The following HPSE2 variants were observed in gnomAD, a reference collection of about 807,000 sequenced individuals.
HPSE2 encodes inactive heparanase-2.
A neutral mutation model predicts 60.5 loss-of-function variants in HPSE2; 38 were observed. The ratio of observed to expected loss-of-function variants is 0.63; its 90% confidence interval spans 0.48 to 0.82. The LOEUF is 0.82. Among genes scored for constraint, HPSE2 ranks in the 40% least tolerant of loss-of-function variants. The probability of loss-of-function intolerance (pLI) is 0.00; values close to 1 mark genes in which losing one functional copy is unlikely to be tolerated. For missense variants in HPSE2, 713 were observed against 740.4 expected (o/e 0.96, Z 0.43); for synonymous variants, 295 against 293.2 (o/e 1.01, Z -0.06).
At chr10:99,113,262 G>A (rs1392524328) in intron 3 of HPSE2, among the ~76,000 whole-genome samples, 1 of 152,138 alleles carries the variant, frequency 6.6e-6, no homozygotes, top group Non-Finnish European at 1.5e-5. Flanking sequence ...GTGAGATCAA[G>A]TAGTTTGCAC....
chr10:99,234,860 G>C (rs976294183), intron 1 of HPSE2, among the ~76,000 whole-genome samples: 1 of 151,994 alleles, frequency 6.6e-6, no homozygotes, highest in Admixed American at 6.6e-5. Flanking sequence ...GGAACTGGCG[G>C]GGGGAGGGGG....
At chr10:98,701,496 G>C (rs1382964147) in intron 5 of HPSE2, among the ~76,000 whole-genome samples, 1 of 112,122 alleles carries the variant, frequency 8.9e-6, no homozygotes, top group African/African-American at 3.4e-5. Context: ...GTTGTGGGGT[G>C]GGGGGAGGGG....
intron 3 of HPSE2, among the ~76,000 whole-genome samples, chr10:98,943,415 A>G (rs761224016): frequency 1.3e-5 from 2 of 152,042 alleles, no homozygotes. Flanking sequence ...ATAAATTGCA[A>G]TGGTTTCTGC....
intron 3 of HPSE2, among the ~76,000 whole-genome samples, chr10:98,817,410 G>A (rs909702438): frequency 2.6e-5 from 4 of 151,902 alleles, no homozygotes; most frequent in Admixed American, 6.6e-5. Context: ...CCAAAACTAG[G>A]CTTCTCCAAA....
At chr10:99,010,369 T>C (rs1373130575) in intron 3 of HPSE2, among the ~76,000 whole-genome samples, 3 of 152,226 alleles carry the variant, frequency 2.0e-5, no homozygotes, top group African/African-American at 7.2e-5. Flanking sequence ...ATAATGTTAA[T>C]GATATACTTT....
At chr10:99,007,855 A>G (rs1439151814) in intron 3 of HPSE2, among the ~76,000 whole-genome samples, 2 of 152,234 alleles carry the variant, frequency 1.3e-5, no homozygotes, top group African/African-American at 2.4e-5. Flanking sequence ...AGGTCCAACC[A>G]GTCTGTAAGC....
chr10:98,672,457 G>T (rs976481557), intron 6 of HPSE2, among the ~76,000 whole-genome samples: 1 of 152,170 alleles, frequency 6.6e-6, no homozygotes, highest in Non-Finnish European at 1.5e-5. Context: ...CCCATGGGTT[G>T]TTCTTCTGAA....
Position 98,853,181 on chromosome 10 carries a change from A to G in HPSE2, c.611-109125T>C, listed in dbSNP as rs185503979. Among the ~76,000 whole-genome samples, 9 of 152,342 alleles carry G rather than the reference A, an allele frequency of 5.9e-5. No homozygotes were observed. In the East Asian group the frequency reaches 1.4e-3, roughly 23 times the overall value. On this transcript the variant is annotated intron_variant, in intron 3 of 11. Coordinates refer to ENST00000370552, the MANE Select transcript of HPSE2 (RefSeq NM_021828.5). ...AATTTATGGAAGGCTGAGCCATTCT[A>G]TTTTCACAGCTAAATGAGGAGGAAT...
chr10:99,051,011 A>T (rs1011459582), intron 3 of HPSE2, among the ~76,000 whole-genome samples: 2 of 152,168 alleles, frequency 1.3e-5, no homozygotes, highest in African/African-American at 4.8e-5. Flanking sequence ...TACCCCATAA[A>T]TATATACAGT....
chr10:98,792,640 C>A (rs1446164448), intron 3 of HPSE2, among the ~76,000 whole-genome samples: 15 of 139,718 alleles, frequency 1.1e-4, no homozygotes, highest in Non-Finnish European at 9.4e-5. Flanking sequence ...CAAATTCCTA[C>A]AAAAAAAAAA....
At chr10:98,593,261 T>C (rs1171203327) in intron 9 of HPSE2, among the ~76,000 whole-genome samples, 2 of 152,158 alleles carry the variant, frequency 1.3e-5, no homozygotes, top group Non-Finnish European at 1.5e-5. Flanking sequence ...GAAATATGGC[T>C]GCACTTAGGA....
intron 6 of HPSE2, among the ~76,000 whole-genome samples, chr10:98,661,399 G>C (rs1947221259): frequency 1.3e-5 from 2 of 152,046 alleles, no homozygotes; most frequent in Non-Finnish European, 2.9e-5. Flanking sequence ...AAATCAAAAG[G>C]AACAAAAAGC....
intron 2 of HPSE2, among the ~76,000 whole-genome samples, chr10:99,164,913 G>A (rs1015210701): frequency 2.6e-5 from 4 of 151,694 alleles, no homozygotes; most frequent in African/African-American, 7.3e-5. Context: ...GTGAAACCCC[G>A]TCTCTACTAA....
Position 98,459,718 on chromosome 10 carries a change from C to CT in HPSE2, c.1634dup (p.Pro546AlafsTer70), listed in dbSNP as rs1288285020. ...TCCCGTCGTCCACCATCACTAAGGGCTGGCCATTCAGTTGCACTGACCTAC... is the reference window on the plus strand; with the variant it reads ...TCCCGTCGTCCACCATCACTAAGGGCTTGGCCATTCAGTTGCACTGACCTAC... On this transcript the variant is annotated frameshift_variant, in exon 12 of 12. Transcript: ENST00000370552. LOFTEE classifies it high-confidence loss of function. 1 of 1,613,736 alleles carries CT rather than the reference C, an allele frequency of 6.2e-7. No individual in the cohort carries two copies. Among genetic ancestry groups the CT allele is most frequent in the Admixed American group, 1.7e-5 (1 of 59,962 alleles).
the HPSE2 span, among the ~76,000 whole-genome samples, chr10:99,313,803 C>T: frequency 2.8e-4 from 42 of 151,398 alleles, no homozygotes; most frequent in African/African-American, 2.4e-5. Context: ...GGTTTCACCA[C>T]GTTGGCCAGG....
At chr10:99,279,126 A>T in the HPSE2 span, among the ~76,000 whole-genome samples, 1 of 152,174 alleles carries the variant, frequency 6.6e-6, no homozygotes, top group Non-Finnish European at 1.5e-5. Flanking sequence ...ATATCATTTC[A>T]GAATTTCAAC....
rs79790079 is a variant in HPSE2, at chr10:98,795,513, C to A, written c.611-51457G>T. Among the ~76,000 whole-genome samples, 1,185 of 152,342 alleles carry A rather than the reference C, an allele frequency of 7.8e-3. 13 individuals are homozygous for A. Among genetic ancestry groups the A allele is most frequent in the Non-Finnish European group, 0.01 (694 of 68,032 alleles). ...GCCAGAGGGAAATCACCTATCCTAG[C>A]AGTCAGAGCTTGAGTTTCTTAGAAA... On this transcript the variant is annotated intron_variant, in intron 3 of 11. Transcript: ENST00000370552.
upstream of HPSE2, among the ~76,000 whole-genome samples, chr10:99,236,540 A>G (rs879351015): frequency 2.0e-5 from 3 of 152,096 alleles, no homozygotes; most frequent in Non-Finnish European, 4.4e-5. Context: ...CTGTCAAAGC[A>G]TAGAGCCCTG....
chr10:98,986,576 A>T (rs543788659), intron 3 of HPSE2, among the ~76,000 whole-genome samples: 1,876 of 150,978 alleles, frequency 0.012, 42 homozygotes, highest in Admixed American at 0.061. Context: ...CATCACAATT[A>T]AAAGAACTAG....
Sources: allele counts gnomAD v4.1 joint callset (sites outside exome capture counted in the v4.1 genomes callset), GRCh38; gene constraint gnomAD v4.1.1; transcripts MANE v1.5; gene names NCBI Gene and HGNC (gene_info 2026-07-23, HGNC 2026-07-21).